NR5A2: variants seen among roughly 807,000 people sequenced by gnomAD.
NR5A2 encodes nuclear receptor subfamily 5 group A member 2.
NR5A2 carries 26 observed loss-of-function variants against 62.7 expected under a neutral mutation model. The ratio of observed to expected loss-of-function variants is 0.41; its 90% CI spans 0.30 to 0.58. NR5A2 has a LOEUF of 0.58. Among genes scored for constraint, NR5A2 ranks in the 20% least tolerant of loss-of-function variants. NR5A2 has a pLI of 0.22. For missense variants in NR5A2, 541 were observed against 669.1 expected (o/e 0.81, Z 2.11); for synonymous variants, 246 against 241.7 (o/e 1.02, Z -0.16).
chr1:200,038,204 C>T (rs759847089), intron 1 of NR5A2, among the ~76,000 whole-genome samples: 11 of 152,204 alleles, frequency 7.2e-5, no homozygotes, highest in Non-Finnish European at 1.0e-4. Context: ...AATGCTGGGC[C>T]TCGGCCTCAA....
In NR5A2 at chr1:200,079,619, T is replaced by C. The variant is rs187577596; in HGVS notation, c.1110+30801T>C. ...TGGAGTTCCTGCATTTGTCTGCTGA[T>C]AGATGATCCTCTGTCCACAATTGGT... On this transcript the variant is annotated intron_variant, in intron 5 of 7. Coordinates refer to ENST00000367362, the MANE Select transcript of NR5A2 (RefSeq NM_205860.3). 3.4e-3 allele frequency among the ~76,000 whole-genome samples: 516 copies of C among 152,334 alleles called. 4 individuals carry two copies. Among genetic ancestry groups the C allele is most frequent in the Middle Eastern group, 0.027 (8 of 294 alleles).
chr1:200,094,109 C>T (rs1664950852), intron 5 of NR5A2, among the ~76,000 whole-genome samples: 1 of 151,782 alleles, frequency 6.6e-6, no homozygotes. Context: ...GCGGAGGTTG[C>T]AGTGAACCAA....
At chr1:200,086,092 C>T (rs182255756) in intron 5 of NR5A2, among the ~76,000 whole-genome samples, 1 of 152,172 alleles carries the variant, frequency 6.6e-6, no homozygotes, top group African/African-American at 2.4e-5. Flanking sequence ...GATTATCAGG[C>T]TAACTACGTG....
chr1:200,142,510 T>C (rs1667492691), intron 7 of NR5A2, among the ~76,000 whole-genome samples: 1 of 151,760 alleles, frequency 6.6e-6, no homozygotes, highest in Admixed American at 6.6e-5. Context: ...GACTTCTTTT[T>C]TTTAAAAAAA....
At chr1:200,097,388 G>A (rs1571469181) in intron 5 of NR5A2, among the ~76,000 whole-genome samples, 5 of 152,202 alleles carry the variant, frequency 3.3e-5, no homozygotes, top group East Asian at 1.9e-4. Flanking sequence ...AACTCCCTTC[G>A]TCACTCACCT....
At chr1:200,072,435 C>G (rs1169910340) in intron 5 of NR5A2, among the ~76,000 whole-genome samples, 1 of 152,150 alleles carries the variant, frequency 6.6e-6, no homozygotes, top group Non-Finnish European at 1.5e-5. Flanking sequence ...TGATTTACCT[C>G]ATAATGTGAC....
intron 7 of NR5A2, among the ~76,000 whole-genome samples, chr1:200,136,864 G>A (rs1167440738): frequency 6.6e-6 from 1 of 152,152 alleles, no homozygotes; most frequent in Non-Finnish European, 1.5e-5. Flanking sequence ...TCTATTGATC[G>A]GTTTCAAGAA....
At chr1:200,045,399 G>A (rs1389254382) in intron 3 of NR5A2, 44 bp from the exon 4 acceptor site, 1 of 1,514,044 alleles carries the variant, frequency 6.6e-7, no homozygotes, top group East Asian at 2.3e-5. Context: ...GAAAAGACGG[G>A]TGTTAGATTT....
intron 5 of NR5A2, among the ~76,000 whole-genome samples, chr1:200,074,417 G>GAA (rs200275646): frequency 1.4e-5 from 2 of 140,580 alleles, no homozygotes; most frequent in East Asian, 2.2e-4. Context: ...AAAAAAAAAA[G>GAA]AAAAAAAAAC....
chr1:200,065,204 T>C (rs1006563721), intron 5 of NR5A2, among the ~76,000 whole-genome samples: 9 of 152,200 alleles, frequency 5.9e-5, no homozygotes, highest in Admixed American at 5.9e-4. Flanking sequence ...TGGAGTGCAG[T>C]GGTGTGATCT....
chr1:200,159,961 T>C (rs1653567129), intron 7 of NR5A2, among the ~76,000 whole-genome samples: 1 of 152,186 alleles, frequency 6.6e-6, no homozygotes, highest in African/African-American at 2.4e-5. Context: ...TCTGAGAAGA[T>C]TTTTTTAAGA....
At chr1:200,163,367 C>T (rs1282046815) in intron 7 of NR5A2, among the ~76,000 whole-genome samples, 1 of 151,900 alleles carries the variant, frequency 6.6e-6, no homozygotes, top group Non-Finnish European at 1.5e-5. Context: ...TCCTGAGGAT[C>T]TCCTCTGTGC....
intron 5 of NR5A2, among the ~76,000 whole-genome samples, chr1:200,072,567 G>A (rs1663787520): frequency 6.6e-6 from 1 of 152,102 alleles, no homozygotes; most frequent in African/African-American, 2.4e-5. Flanking sequence ...AAGGAAGTGG[G>A]AGTAAAATAT....
intron 1 of NR5A2, chr1:200,038,885 C>A: frequency 1.7e-6 from 1 of 599,454 alleles, no homozygotes; most frequent in Non-Finnish European, 2.4e-6. Context: ...TGAGCCTCAT[C>A]CTTATTGGCT....
chr1:200,105,582 T>C (rs1252896512), intron 5 of NR5A2, among the ~76,000 whole-genome samples: 1 of 152,232 alleles, frequency 6.6e-6, no homozygotes, highest in African/African-American at 2.4e-5. Flanking sequence ...CGATCAGAAA[T>C]AAGAAATTAG....
intron 5 of NR5A2, among the ~76,000 whole-genome samples, chr1:200,104,054 C>T (rs61819954): frequency 0.083 from 12,631 of 152,156 alleles, 697 homozygotes; most frequent in Non-Finnish European, 0.12. Flanking sequence ...GGGGGAGGTC[C>T]TTTGTGCTGC....
chr1:200,122,565 T>C (rs554362004), intron 7 of NR5A2, among the ~76,000 whole-genome samples: 1 of 152,330 alleles, frequency 6.6e-6, no homozygotes, highest in East Asian at 1.9e-4. Flanking sequence ...TCTCTGCTAA[T>C]ACTATAAGGA....
chr1:200,141,174 T>C (rs73082675), intron 7 of NR5A2, among the ~76,000 whole-genome samples: 3,416 of 152,306 alleles, frequency 0.022, 121 homozygotes, highest in African/African-American at 0.072. Flanking sequence ...GTTCTGGCAA[T>C]GTTATCACAT....
chr1:200,106,754 T>A (rs1402256792), intron 5 of NR5A2, among the ~76,000 whole-genome samples: 2 of 152,180 alleles, frequency 1.3e-5, no homozygotes, highest in Non-Finnish European at 2.9e-5. Flanking sequence ...CCCATAACTC[T>A]GTTTTTCTTA....
Sources: gnomAD v4.1 joint callset for allele counts (sites outside exome capture counted in the v4.1 genomes callset) on GRCh38, gnomAD v4.1.1 for gene constraint, MANE v1.5 for transcripts, NCBI Gene and HGNC (gene_info 2026-07-23, HGNC 2026-07-21) for gene names.